STAT3: variants seen among roughly 807,000 people sequenced by gnomAD.
The protein encoded by STAT3 is signal transducer and activator of transcription 3, also known as DNA-binding protein APRF.
Under a neutral mutation model 114.3 loss-of-function variants are expected in STAT3, and 7 were observed. That is an observed-to-expected ratio of 0.06 (90% confidence interval 0.03 to 0.11). STAT3 has a LOEUF of 0.11. Ranked by LOEUF, STAT3 falls within the 10% of genes least tolerant of loss-of-function variation. STAT3 has a pLI of 1.00. For synonymous variants in STAT3, 331 were observed against 354.5 expected (o/e 0.93, Z 0.74); for missense variants, 364 against 960.9 (o/e 0.38, Z 8.21).
intron 14 of STAT3, among the ~76,000 whole-genome samples, chr17:42,327,552 T>A (rs2081783461): frequency 6.6e-6 from 1 of 152,238 alleles, no homozygotes; most frequent in African/African-American, 2.4e-5. Flanking sequence ...GAGCTTATAA[T>A]CAGGCTGATG....
At chr17:42,372,240 T>C (rs2084190619) in intron 1 of STAT3, among the ~76,000 whole-genome samples, 1 of 152,190 alleles carries the variant, frequency 6.6e-6, no homozygotes, top group African/African-American at 2.4e-5. Flanking sequence ...AGGTGAAAAG[T>C]CCTGCACTGG....
chr17:42,355,743 A>C (rs1324982006), intron 1 of STAT3, among the ~76,000 whole-genome samples: 1 of 152,230 alleles, frequency 6.6e-6, no homozygotes, highest in Non-Finnish European at 1.5e-5. Flanking sequence ...GTTCTCATTT[A>C]TATACTTGAA....
intron 1 of STAT3, among the ~76,000 whole-genome samples, chr17:42,369,126 G>A (rs531274138): frequency 3.3e-5 from 5 of 152,198 alleles, no homozygotes; most frequent in South Asian, 2.1e-4. Flanking sequence ...TTGGGAGGCC[G>A]AGGTGGGAGG....
intron 11 of STAT3, among the ~76,000 whole-genome samples, 197 bp from the exon 12 acceptor site, chr17:42,329,973 G>C (rs1834537028): frequency 6.6e-6 from 1 of 152,152 alleles, no homozygotes; most frequent in African/African-American, 2.4e-5. Context: ...CCATAGGAAG[G>C]GGAACCTATG....
chr17:42,362,665 G>A (rs1214543382), intron 1 of STAT3, among the ~76,000 whole-genome samples: 2 of 152,204 alleles, frequency 1.3e-5, no homozygotes, highest in African/African-American at 4.8e-5. Flanking sequence ...CTATAGAAAG[G>A]GGAGAGAACA....
intron 14 of STAT3, among the ~76,000 whole-genome samples, chr17:42,327,726 A>C (rs183166217): frequency 3.0e-4 from 46 of 152,300 alleles, no homozygotes; most frequent in Admixed American, 2.0e-3. Context: ...ACCTTATTTT[A>C]AGTAAGAGTT....
chr17:42,351,405 C>A (rs890293944), intron 1 of STAT3, among the ~76,000 whole-genome samples: 2 of 151,860 alleles, frequency 1.3e-5, no homozygotes, highest in Non-Finnish European at 2.9e-5. Flanking sequence ...CCACATCTGG[C>A]TGATTATTTT....
intron 1 of STAT3, among the ~76,000 whole-genome samples, chr17:42,384,910 C>CA (rs1332212612): frequency 6.6e-6 from 1 of 152,074 alleles, no homozygotes; most frequent in African/African-American, 2.4e-5. Flanking sequence ...CCCTCTTTGG[C>CA]AAAAAGACTT....
intron 1 of STAT3, among the ~76,000 whole-genome samples, chr17:42,385,214 GTA>G (rs1298109575): frequency 6.6e-6 from 1 of 151,978 alleles, no homozygotes; most frequent in African/African-American, 2.4e-5. Flanking sequence ...GTTGCAAAAG[GTA>G]TATATATGTT....
rs892748206 is a variant in STAT3 at position 42,351,433 on chromosome 17, A to G, written c.-23-2894T>C. ...ATTATTTTTGTAGAGACGGGGTCCT[A>G]CTGTGTTGCCCAGGCTGGTCTCAAA... On this transcript the variant is annotated intron_variant, in intron 1 of 23. Transcript: ENST00000264657. Among the ~76,000 whole-genome samples the G allele has an allele frequency of 5.3e-5, 8 of 151,936 alleles. No homozygotes were observed. The East Asian group carries it at 1.2e-3, about 22-fold the overall frequency.
intron 1 of STAT3, among the ~76,000 whole-genome samples, chr17:42,368,298 T>C (rs2083915428): frequency 6.6e-6 from 1 of 152,246 alleles, no homozygotes; most frequent in Non-Finnish European, 1.5e-5. Flanking sequence ...TTTAGCACTC[T>C]CTTGTCCTCT....
intron 14 of STAT3, among the ~76,000 whole-genome samples, chr17:42,328,036 C>CAAA (rs55806677): frequency 5.0e-5 from 4 of 79,800 alleles, no homozygotes; most frequent in Non-Finnish European, 8.9e-5. Flanking sequence ...GACTCCGACT[C>CAAA]AAAAAAAAAA....
intron 1 of STAT3, among the ~76,000 whole-genome samples, chr17:42,378,643 G>GA (rs1404274937): frequency 6.6e-6 from 1 of 152,182 alleles, no homozygotes; most frequent in African/African-American, 2.4e-5. Flanking sequence ...GATTTGTCGA[G>GA]AAAGTCAGTC....
chr17:42,326,131 G>T lies in STAT3; in HGVS notation c.1350C>A (p.Leu450=). Residue 450 remains leucine (L), a synonymous_variant, in exon 15 of 24, where the codon CTC becomes CTA. Transcript: ENST00000264657. The stretch of plus-strand genomic sequence containing the variant: ...CAGAACTTACCTCTAGGTCAATCTT[G>T]AGGCCTTGGTGATACACCTCGGTCT... ...TFETEVYHQG[L]KIDLETHSLP... The T allele has an allele frequency of 6.2e-7, 1 of 1,614,008 alleles. No individual in the cohort carries two copies. Among genetic ancestry groups the T allele is most frequent in the Non-Finnish European group, 8.5e-7 (1 of 1,179,932 alleles).
chr17:42,333,587 G>T lies in STAT3; in HGVS notation c.1049+86C>A. ...CTGCCTGTGACACCACACCTGGAAAGAATGACCCTGGCCACCAACTCTACC... is the reference window on the plus strand; with the variant it reads ...CTGCCTGTGACACCACACCTGGAAATAATGACCCTGGCCACCAACTCTACC... On this transcript the variant is annotated intron_variant, in intron 10 of 23. Transcript: ENST00000264657. This position sits in a 1 kb window ranked among gnomAD's most constrained non-coding sequence, Gnocchi z 5.2. The T allele has an allele frequency of 6.7e-7, 1 of 1,481,562 alleles. No individual in the cohort carries two copies. 91.8% of individuals were successfully genotyped at this position (1,481,562 alleles called of 1,614,324 possible). A position where few individuals can be genotyped will look rare whatever the true frequency, so the allele number is the denominator to read the frequency against.
chr17:42,388,209 G>T, intron 1 of STAT3, 70 bp downstream of exon 1: 1 of 1,228,620 alleles, frequency 8.1e-7, no homozygotes, highest in Non-Finnish European at 1.0e-6. Context: ...AGGTCCCAGA[G>T]GCCCCCTGCC....
At chr17:42,350,323 G>A (rs569071474) in intron 1 of STAT3, among the ~76,000 whole-genome samples, 2 of 152,256 alleles carry the variant, frequency 1.3e-5, no homozygotes, top group African/African-American at 4.8e-5. Context: ...CAAATGTAAC[G>A]GAATGAAAGG....
At chr17:42,325,093 G>A (rs771830090) in intron 15 of STAT3, 32 bp from the exon 16 acceptor site, 1 of 1,596,454 alleles carries the variant, frequency 6.3e-7, no homozygotes, top group Non-Finnish European at 8.6e-7. Context: ...AGCTGGGGAG[G>A]CAGAGGGGCT....
intron 4 of STAT3, among the ~76,000 whole-genome samples, chr17:42,340,998 G>A (rs1402001359): frequency 6.6e-6 from 1 of 152,096 alleles, no homozygotes; most frequent in Non-Finnish European, 1.5e-5. Context: ...TGCACATCCA[G>A]TCTCTCTACC....
Sources: allele counts gnomAD v4.1 joint callset (sites outside exome capture counted in the v4.1 genomes callset), GRCh38; gene constraint gnomAD v4.1.1; non-coding constraint Gnocchi (gnomAD v3.1); transcripts MANE v1.5; gene names NCBI Gene and HGNC (gene_info 2026-07-23, HGNC 2026-07-21).